Variants in CSMD1 observed in about 807,000 individuals in gnomAD.
CSMD1 encodes CUB and Sushi multiple domains 1, also known as CUB and sushi domain-containing protein 1.
A neutral mutation model predicts 417.5 loss-of-function variants in CSMD1; 213 were observed. The observed-to-expected ratio is 0.51, with a 90% CI of 0.46 to 0.57. CSMD1 has a LOEUF of 0.57. CSMD1 is among the 20% of genes least tolerant of loss of function. CSMD1 has a pLI of 0.00. For missense variants in CSMD1, 6,923 were observed against 4,529.7 expected (o/e 1.53, Z -15.17); for synonymous variants, 2,862 against 1,736.8 (o/e 1.65, Z -16.11).
At chr8:3,940,421 G>A (rs769927059) in intron 5 of CSMD1, among the ~76,000 whole-genome samples, 6 of 151,628 alleles carry the variant, frequency 4.0e-5, no homozygotes, top group Admixed American at 6.6e-5. Flanking sequence ...TTTATAATAT[G>A]TATGTTGTAA....
chr8:4,119,628 G>A (rs1369576022), intron 3 of CSMD1, among the ~76,000 whole-genome samples: 2 of 152,050 alleles, frequency 1.3e-5, no homozygotes, highest in East Asian at 1.9e-4. Context: ...CTCTGTCTGT[G>A]CTCTGTGAGG....
intron 46 of CSMD1, among the ~76,000 whole-genome samples, chr8:3,098,405 T>C (rs1815488902): frequency 6.6e-6 from 1 of 152,214 alleles, no homozygotes; most frequent in Admixed American, 6.5e-5. Flanking sequence ...CCTATTTTCT[T>C]CCATTTATCT....
At chr8:3,734,521 A>G (rs987119941) in intron 6 of CSMD1, among the ~76,000 whole-genome samples, 12 of 152,122 alleles carry the variant, frequency 7.9e-5, no homozygotes, top group African/African-American at 2.7e-4. Flanking sequence ...GACCAACCTA[A>G]CCAACTTGGT....
At chr8:4,255,910 G>A (rs1010998501) in intron 3 of CSMD1, among the ~76,000 whole-genome samples, 1 of 152,182 alleles carries the variant, frequency 6.6e-6, no homozygotes, top group African/African-American at 2.4e-5. Context: ...GGCAGAGGTA[G>A]CCTTTGTTGT....
intron 5 of CSMD1, among the ~76,000 whole-genome samples, chr8:3,980,471 C>T (rs1181438975): frequency 2.6e-5 from 4 of 151,956 alleles, no homozygotes; most frequent in Admixed American, 2.6e-4. Context: ...TTTTTTTTTG[C>T]CAAACTTCCT....
chr8:3,312,716 G>C (rs1455513039), intron 23 of CSMD1, among the ~76,000 whole-genome samples: 4 of 152,126 alleles, frequency 2.6e-5, no homozygotes, highest in African/African-American at 9.7e-5. Flanking sequence ...AACCAGCTTA[G>C]TCGCCTGCTA....
rs368041448 is a variant in CSMD1, at chr8:4,375,114, G to A, written c.415+44839C>T. On this transcript the variant is annotated intron_variant, in intron 3 of 69. Coordinates refer to ENST00000635120, the MANE Select transcript of CSMD1 (RefSeq NM_033225.6). ...ATGTTCATTGGCAGACCTGAAGAAC[G>A]AAGTCAAAAATGGCAACTGTAGATA... Among the ~76,000 whole-genome samples the A allele has an allele frequency of 4.6e-5, 7 of 152,120 alleles. No individual in the cohort carries two copies. In the East Asian group the frequency reaches 9.7e-4, roughly 21 times the overall value.
chr8:4,012,633 G>C (rs777850434), intron 4 of CSMD1, among the ~76,000 whole-genome samples: 12 of 152,060 alleles, frequency 7.9e-5, no homozygotes, highest in Non-Finnish European at 1.6e-4. Flanking sequence ...ACAGTTTTCA[G>C]AGTGTCCATC....
At chr8:3,019,745 G>A (rs778132366) in intron 51 of CSMD1, among the ~76,000 whole-genome samples, 18 of 152,136 alleles carry the variant, frequency 1.2e-4, no homozygotes, top group Non-Finnish European at 2.1e-4. Flanking sequence ...ACAAGTTAAT[G>A]GTCACCCTCA....
intron 2 of CSMD1, among the ~76,000 whole-genome samples, chr8:4,601,090 G>C (rs1038313368): frequency 2.0e-5 from 3 of 151,904 alleles, no homozygotes; most frequent in East Asian, 1.9e-4. Context: ...CCAAGTAGCT[G>C]GGATTACAGG....
intron 7 of CSMD1, among the ~76,000 whole-genome samples, chr8:3,668,606 C>G (rs555674821): frequency 6.6e-6 from 1 of 151,942 alleles, no homozygotes; most frequent in Non-Finnish European, 1.5e-5. Context: ...GCAAAAGAGA[C>G]GAAGCCCTGG....
chr8:4,006,137 C>G (rs1734426104), intron 4 of CSMD1, among the ~76,000 whole-genome samples: 1 of 152,142 alleles, frequency 6.6e-6, no homozygotes, highest in African/African-American at 2.4e-5. Flanking sequence ...ACATATCAAC[C>G]ACAGATGATT....
rs1320674079 is a variant in CSMD1 at position 2,973,388 on chromosome 8, T to C, written c.8741-89A>G. 4 of 1,341,752 alleles carry C rather than the reference T, an allele frequency of 3.0e-6. No individual in the cohort carries two copies. In the East Asian group the frequency reaches 7.0e-5, roughly 23 times the overall value. 83.1% of individuals were successfully genotyped at this position (1,341,752 alleles called of 1,614,324 possible). On this transcript the variant is annotated intron_variant, in intron 56 of 69. Coordinates refer to ENST00000635120, the MANE Select transcript of CSMD1 (RefSeq NM_033225.6). Reference sequence around the variant, plus strand: ...CACACTTAAAGATAATGAAAAGTTGTTGAAATTTGTGTTTCACATGAGTTA... The same window carrying C: ...CACACTTAAAGATAATGAAAAGTTGCTGAAATTTGTGTTTCACATGAGTTA...
chr8:4,604,134 T>C (rs1394060224), intron 2 of CSMD1, among the ~76,000 whole-genome samples: 3 of 152,092 alleles, frequency 2.0e-5, no homozygotes, highest in Admixed American at 2.0e-4. Flanking sequence ...TATGTCTGTA[T>C]TCCAAATCTG....
intron 5 of CSMD1, among the ~76,000 whole-genome samples, chr8:3,775,441 G>C (rs1013676551): frequency 6.6e-6 from 1 of 152,000 alleles, no homozygotes; most frequent in Non-Finnish European, 1.5e-5. Flanking sequence ...TTTGGGGAGG[G>C]GGCAAAAACA....
intron 29 of CSMD1, among the ~76,000 whole-genome samples, chr8:3,216,755 T>A (rs1316002581): frequency 6.6e-6 from 1 of 152,254 alleles, no homozygotes; most frequent in Non-Finnish European, 1.5e-5. Flanking sequence ...ATGCATACCT[T>A]TGAGCTTTCC....
chr8:4,421,445 C>G (rs1050549883), intron 2 of CSMD1, among the ~76,000 whole-genome samples: 5 of 151,974 alleles, frequency 3.3e-5, no homozygotes, highest in Non-Finnish European at 5.9e-5. Flanking sequence ...ATAAAACAAA[C>G]CTCAAACTAT....
chr8:3,456,664 C>G (rs1816163338), intron 12 of CSMD1, among the ~76,000 whole-genome samples: 1 of 152,166 alleles, frequency 6.6e-6, no homozygotes, highest in African/African-American at 2.4e-5. Context: ...AGGTGGCAAT[C>G]ACATCTTCAG....
At chr8:3,712,065 T>C (rs73185365) in intron 6 of CSMD1, among the ~76,000 whole-genome samples, 50,169 of 152,068 alleles carry the variant, frequency 0.33, 8,438 homozygotes, top group East Asian at 0.5. Flanking sequence ...ACGTCTCCAC[T>C]AGGGAATATA....
Sources: gnomAD v4.1 joint callset for allele counts (sites outside exome capture counted in the v4.1 genomes callset) on GRCh38, gnomAD v4.1.1 for gene constraint, MANE v1.5 for transcripts, NCBI Gene and HGNC (gene_info 2026-07-23, HGNC 2026-07-21) for gene names.